Variants in MTBP observed in about 807,000 individuals in gnomAD.
MTBP encodes mdm2-binding protein.
In MTBP, 101 loss-of-function variants were observed where a neutral mutation model predicts 117.0. The observed-to-expected ratio is 0.86, with a 90% CI of 0.73 to 1.02. MTBP has a LOEUF of 1.02. MTBP is among the 50% of genes least tolerant of loss of function. The pLI, the probability that MTBP is intolerant of heterozygous loss-of-function variation, is 0.00. For missense variants in MTBP, 970 were observed against 1,030.9 expected, an observed-to-expected ratio of 0.94 and a Z score of 0.81; for synonymous variants, 350 against 351.5, an observed-to-expected ratio of 1.00 and a Z score of 0.05.
chr8:120,454,014 TAAAAAATGC>T (rs1586937951), intron 5 of MTBP, 109 bp downstream of exon 5: 1 of 582,254 alleles, frequency 1.7e-6, no homozygotes, highest in Non-Finnish European at 2.9e-6. Context: ...ATCTTTAAAT[TAAAAAATGC>T]AAAACAATTT....
Position 120,506,817 on chromosome 8 carries a change from T to A in MTBP, c.1839T>A (p.Asp613Glu). The change falls in exon 16 of 22, where the codon GAT becomes GAA. Residue 613 changes from aspartate to glutamate, a missense_variant. Physicochemically the swap from Asp to Glu is conservative, Grantham distance 45. Coordinates refer to ENST00000305949, the MANE Select transcript of MTBP (RefSeq NM_022045.5). ...AKELLKYFTS[D>E]GLPIGDLQPL... ...AATTGCTGAAGTACTTTACCTCAGA[T>A]GGATTACCCATTGGAGATCTTCAAC... 6.2e-7 allele frequency: 1 copy of A among 1,613,608 alleles called. No homozygotes were observed. Among genetic ancestry groups the A allele is most frequent in the Non-Finnish European group, 8.5e-7 (1 of 1,179,660 alleles).
chr8:120,446,590 G>A (rs1158468581), intron 2 of MTBP, 77 bp downstream of exon 2: 6 of 895,482 alleles, frequency 6.7e-6, no homozygotes, highest in Non-Finnish European at 1.1e-5. Flanking sequence ...GGACCCTAAG[G>A]AGTACAAGGA....
In MTBP at chr8:120,480,244, A is replaced by AAC. The variant is rs931343907; in HGVS notation, c.1166-7914_1166-7913insCA. Among the ~76,000 whole-genome samples, 56 of 151,194 alleles carry AAC rather than the reference A, an allele frequency of 3.7e-4. 1 individual carries two copies. Among genetic ancestry groups the AAC allele is most frequent in the Non-Finnish European group, 1.3e-4 (9 of 67,624 alleles). On this transcript the variant is annotated intron_variant, in intron 11 of 21. Transcript: ENST00000305949. Reference sequence around the variant, plus strand: ...CGAAACCCCGTCTCTACAAAAAAAAAAAAACAAAAACAAAAATTAGCCAGG... The same window carrying AAC: ...CGAAACCCCGTCTCTACAAAAAAAAAACAAAACAAAAACAAAAATTAGCCAGG...
chr8:120,450,031 C>G (rs952905415), intron 2 of MTBP, among the ~76,000 whole-genome samples: 4 of 151,904 alleles, frequency 2.6e-5, no homozygotes, highest in African/African-American at 9.7e-5. Flanking sequence ...AAAGGGACCC[C>G]TTTTTTTAAA....
At chr8:120,467,343 A>G (rs1291906776) in intron 10 of MTBP, among the ~76,000 whole-genome samples, 1 of 152,182 alleles carries the variant, frequency 6.6e-6, no homozygotes, top group Non-Finnish European at 1.5e-5. Flanking sequence ...GGCCAGGTGC[A>G]GTGACTCACG....
chr8:120,511,926 A>G (rs1023290467), intron 17 of MTBP, among the ~76,000 whole-genome samples: 2 of 152,092 alleles, frequency 1.3e-5, no homozygotes, highest in South Asian at 4.1e-4. Flanking sequence ...TGACTCTGCT[A>G]TGAAGATTTG....
intron 18 of MTBP, 51 bp downstream of exon 18, chr8:120,516,242 C>T: frequency 7.1e-7 from 1 of 1,403,844 alleles, no homozygotes; most frequent in Non-Finnish European, 9.5e-7. Flanking sequence ...GTATTTTAGT[C>T]TCGAGGATTT....
chr8:120,489,689 T>A (rs1398286576), intron 12 of MTBP, among the ~76,000 whole-genome samples: 1 of 152,148 alleles, frequency 6.6e-6, no homozygotes, highest in Non-Finnish European at 1.5e-5. Context: ...TACTTACAGA[T>A]AGGCAGCAAG....
chr8:120,481,481 T>C (rs1023877196), intron 11 of MTBP, among the ~76,000 whole-genome samples: 3 of 152,202 alleles, frequency 2.0e-5, no homozygotes, highest in African/African-American at 7.2e-5. Context: ...TACTGAGGAA[T>C]GAGAAGGCAT....
At position 120,455,510 on chromosome 8, in the gene MTBP, T is replaced by G; in HGVS notation, c.560T>G (p.Val187Gly). The change falls in exon 6 of 22, where the codon GTA becomes GGA. Residue 187 changes from valine to glycine, a missense_variant. Physicochemically the swap from Val to Gly is moderately radical, Grantham distance 109 (BLOSUM62 -3). Transcript: ENST00000305949. Reference sequence around the variant, plus strand: ...AAATTGAAAGACTATTTACCTACTGTAGGAGCATTAAAACATTTGAGAGAA... The same window carrying G: ...AAATTGAAAGACTATTTACCTACTGGAGGAGCATTAAAACATTTGAGAGAA... ...PPKLKDYLPTVGALKHLREWY... is the reference protein window; with the variant it reads ...PPKLKDYLPTGGALKHLREWY... 1 of 1,608,314 alleles carries G rather than the reference T, an allele frequency of 6.2e-7. No homozygotes were observed. The highest frequency in any genetic ancestry group is 1.1e-5 in the South Asian group (1 of 90,944).
Position 120,510,015 on chromosome 8 carries a change from T to C in MTBP, c.1965T>C (p.His655=), listed in dbSNP as rs1451720298. 1 of 1,609,612 alleles carries C rather than the reference T, an allele frequency of 6.2e-7. No homozygotes were observed. The highest frequency in any genetic ancestry group is 1.7e-5 in the Admixed American group (1 of 59,932). ...VLPFEKASVC[H]YHGIEYCLDD... is the part of the protein sequence containing the mutation. Reference sequence around the variant, plus strand: ...CTTTTGAGAAAGCCTCAGTATGTCATTATCATGGAATTGAGTAAGTTTTTA... The same window carrying C: ...CTTTTGAGAAAGCCTCAGTATGTCACTATCATGGAATTGAGTAAGTTTTTA... The change falls in exon 17 of 22, where the codon CAT becomes CAC. Residue 655 remains histidine (H), a synonymous_variant. Transcript: ENST00000305949.
intron 14 of MTBP, among the ~76,000 whole-genome samples, chr8:120,501,058 G>A (rs1814574031): frequency 6.6e-6 from 1 of 151,920 alleles, no homozygotes; most frequent in Non-Finnish European, 1.5e-5. Flanking sequence ...GGGCGTGGTG[G>A]TGCGTGCCTG....
At chr8:120,510,866 T>C (rs1211842771) in intron 17 of MTBP, among the ~76,000 whole-genome samples, 1 of 150,672 alleles carries the variant, frequency 6.6e-6, no homozygotes, top group Non-Finnish European at 1.5e-5. Flanking sequence ...GCCATGAACA[T>C]GCCACTGCAC....
chr8:120,479,878 G>A (rs6984983), intron 11 of MTBP, among the ~76,000 whole-genome samples: 81,489 of 151,910 alleles, frequency 0.54, 24,822 homozygotes, highest in Non-Finnish European at 0.67. Context: ...TAGAATGGAA[G>A]GAAGATCAAG....
At chr8:120,470,575 G>A (rs1182168208) in intron 10 of MTBP, among the ~76,000 whole-genome samples, 1 of 152,188 alleles carries the variant, frequency 6.6e-6, no homozygotes, top group Non-Finnish European at 1.5e-5. Flanking sequence ...GTGGAAAAGG[G>A]AAGCCTGTAG....
chr8:120,461,592 A>AT (rs1386412688), intron 9 of MTBP, among the ~76,000 whole-genome samples: 1 of 152,142 alleles, frequency 6.6e-6, no homozygotes, highest in Admixed American at 6.6e-5. Flanking sequence ...CTTTAATGCA[A>AT]TTATAATGTT....
At chr8:120,458,847 CAAAA>C (rs5894523) in intron 7 of MTBP, among the ~76,000 whole-genome samples, 19 of 111,988 alleles carry the variant, frequency 1.7e-4, no homozygotes, top group Admixed American at 3.4e-4. Flanking sequence ...ATCTCAAAGC[CAAAA>C]AAAAAAAAAA....
intron 4 of MTBP, chr8:120,452,752 C>T (rs1813382735): frequency 6.6e-6 from 1 of 150,584 alleles, no homozygotes; most frequent in South Asian, 2.1e-4. Flanking sequence ...ATTGCTTGAA[C>T]CCGGGAGGCG....
intron 8 of MTBP, among the ~76,000 whole-genome samples, chr8:120,460,107 AG>A (rs570860498): frequency 1.3e-3 from 197 of 152,254 alleles, no homozygotes; most frequent in Non-Finnish European, 2.6e-3. Context: ...TTCTAATCAA[AG>A]GGTGGTACAA....
Sources: allele counts gnomAD v4.1 joint callset (sites outside exome capture counted in the v4.1 genomes callset), GRCh38; gene constraint gnomAD v4.1.1; transcripts MANE v1.5; gene names NCBI Gene and HGNC (gene_info 2026-07-23, HGNC 2026-07-21).